Variants in HSD11B1 observed in about 807,000 individuals in gnomAD.
HSD11B1 encodes the protein hydroxysteroid 11-beta dehydrogenase 1.
HSD11B1 carries 15 observed loss-of-function variants against 22.1 expected under a neutral mutation model. The observed-to-expected ratio is 0.68, with a 90% CI of 0.45 to 1.04. HSD11B1 has a LOEUF of 1.04. Among genes scored for constraint, HSD11B1 ranks in the 50% least tolerant of loss-of-function variants. The pLI is 0.00. For missense variants in HSD11B1, 281 were observed against 357.6 expected (o/e 0.79, Z 1.73); for synonymous variants, 122 against 125.2 (o/e 0.97, Z 0.17).
Position 209,731,309 on chromosome 1 carries a change from TA to T in HSD11B1, c.518-1116del, listed in dbSNP as rs908245585. ...GTTTCACCCAAGTTAACTGGCCACT[TA>T]AAAAAAAAAATCAACACTCTTTGGA... On this transcript the variant is annotated intron_variant, in intron 4 of 5. Transcript: ENST00000367027. Among the ~76,000 whole-genome samples the T allele has an allele frequency of 1.6e-3, 233 of 148,110 alleles. 2 individuals are homozygous for T. Among genetic ancestry groups the T allele is most frequent in the Admixed American group, 6.5e-3 (96 of 14,844 alleles).
Position 209,734,699 on chromosome 1 carries a change from T to A in HSD11B1, c.*178T>A. 1 of 615,084 alleles carries A rather than the reference T, an allele frequency of 1.6e-6. No homozygotes were observed. Among genetic ancestry groups the A allele is most frequent in the East Asian group, 2.9e-5 (1 of 34,920 alleles). The allele number at this position is 615,084 out of a possible 1,614,324, so 38.1% of individuals were successfully genotyped here. On this transcript the variant is annotated 3_prime_UTR_variant, in exon 6 of 6. Transcript: ENST00000367027. ...CATTTGCAAAATGGAAATGTAATAA[T>A]AATGAATGTCATGCACCGCTGCAGC...
chr1:209,714,765 C>T (rs545381059), intron 4 of HSD11B1, among the ~76,000 whole-genome samples: 7 of 152,252 alleles, frequency 4.6e-5, no homozygotes, highest in African/African-American at 1.2e-4. Context: ...GGCATCTTCA[C>T]CGGGGAGGAA....
chr1:209,732,302 T>G, intron 4 of HSD11B1, 134 bp from the exon 5 acceptor site: 1 of 955,140 alleles, frequency 1.0e-6, no homozygotes, highest in Non-Finnish European at 1.6e-6. Flanking sequence ...GCAGTATAAC[T>G]TCCATGGGGA....
intron 4 of HSD11B1, among the ~76,000 whole-genome samples, chr1:209,714,418 C>A (rs898318201): frequency 6.6e-6 from 1 of 152,202 alleles, no homozygotes; most frequent in African/African-American, 2.4e-5. Context: ...GCACATTGTT[C>A]ATTCATCTCT....
At chr1:209,693,072 C>G (rs1166419156) in intron 1 of HSD11B1, among the ~76,000 whole-genome samples, 1 of 152,200 alleles carries the variant, frequency 6.6e-6, no homozygotes, top group Non-Finnish European at 1.5e-5. Context: ...TCCGAGCTGT[C>G]TCTCCCACTC....
At position 209,708,231 on chromosome 1, in the gene HSD11B1, G is replaced by A. The variant is rs547431231; in HGVS notation, c.517+1103G>A. On this transcript the variant is annotated intron_variant, in intron 4 of 5. Coordinates refer to ENST00000367027, the MANE Select transcript of HSD11B1 (RefSeq NM_005525.4). ...TCTTTGTTGATTAGTCAGTTAGAAG[G>A]ATGTGGCTGGAAAGTGCAAACACCA... is the stretch of plus-strand genomic sequence containing the variant. Among the ~76,000 whole-genome samples the A allele has an allele frequency of 2.6e-5, 4 of 152,260 alleles. No homozygotes were observed. The South Asian group carries it at 8.3e-4, about 32-fold the overall frequency.
intron 4 of HSD11B1, among the ~76,000 whole-genome samples, chr1:209,732,220 C>T (rs2077039956): frequency 6.6e-6 from 1 of 152,168 alleles, no homozygotes; most frequent in Non-Finnish European, 1.5e-5. Flanking sequence ...AGTCCCTCTT[C>T]AATGAAGGCT....
chr1:209,709,503 G>A (rs555256419), intron 4 of HSD11B1, among the ~76,000 whole-genome samples: 5 of 152,192 alleles, frequency 3.3e-5, no homozygotes, highest in Non-Finnish European at 4.4e-5. Context: ...ACGAAGACCC[G>A]AATTTACAAT....
chr1:209,729,705 G>A (rs907894291), intron 4 of HSD11B1, among the ~76,000 whole-genome samples: 2 of 152,114 alleles, frequency 1.3e-5, no homozygotes, highest in Non-Finnish European at 2.9e-5. Flanking sequence ...CAATATCCCT[G>A]ATGAACACAG....
intron 4 of HSD11B1, among the ~76,000 whole-genome samples, chr1:209,727,834 G>A (rs936910162): frequency 3.9e-5 from 6 of 152,112 alleles, no homozygotes; most frequent in Admixed American, 6.5e-5. Context: ...ACTTGTCTCC[G>A]CTTACTTATC....
chr1:209,718,393 T>C (rs11485195), intron 4 of HSD11B1, among the ~76,000 whole-genome samples: 29,754 of 152,048 alleles, frequency 0.2, 2,965 homozygotes, highest in East Asian at 0.22. Flanking sequence ...TTTAAAAAAA[T>C]TTAATGGGCA....
chr1:209,712,556 GTATC>G (rs1327432822), intron 4 of HSD11B1, among the ~76,000 whole-genome samples: 1 of 152,164 alleles, frequency 6.6e-6, no homozygotes, highest in East Asian at 1.9e-4. Context: ...AGGGACTTGA[GTATC>G]TATGGATTTG....
chr1:209,692,470 G>C (rs1033715804), intron 1 of HSD11B1, among the ~76,000 whole-genome samples: 1 of 152,042 alleles, frequency 6.6e-6, no homozygotes, highest in African/African-American at 2.4e-5. Flanking sequence ...GAAACATCAA[G>C]GTTGGGGTAA....
chr1:209,697,884 C>CTTTGTTTTTTTTTTTTTTTTTT (rs2076800531), intron 1 of HSD11B1, among the ~76,000 whole-genome samples: 1 of 41,586 alleles, frequency 2.4e-5, no homozygotes, highest in Non-Finnish European at 4.5e-5. Context: ...TTGTTTTTTC[C>CTTTGTTTTTTTTTTTTTTTTTT]TTTTTTTTTT....
intron 1 of HSD11B1, among the ~76,000 whole-genome samples, chr1:209,689,691 C>T (rs2076747971): frequency 1.3e-5 from 2 of 152,200 alleles, no homozygotes; most frequent in Admixed American, 6.5e-5. Flanking sequence ...ATGTCTGCTC[C>T]TCTTGGACTT....
chr1:209,694,756 C>T (rs2076780660), intron 1 of HSD11B1, among the ~76,000 whole-genome samples: 1 of 152,188 alleles, frequency 6.6e-6, no homozygotes, highest in Non-Finnish European at 1.5e-5. Flanking sequence ...GCTTTTGTTT[C>T]ATACTTATGC....
chr1:209,705,012 A>C lies in HSD11B1; in HGVS notation c.70A>C (p.Asn24His), dbSNP rs775452323. 6.2e-7 allele frequency: 1 copy of C among 1,613,690 alleles called. No homozygotes were observed. The highest frequency in any genetic ancestry group is 8.5e-7 in the Non-Finnish European group (1 of 1,179,616). The stretch of plus-strand genomic sequence containing the variant: ...CATGGCCTACTACTACTATTCTGCA[A>C]ACGAGGAATTCAGACCAGGTAAGTA... ...LFMAYYYYSA[N>H]EEFRPEMLQG... is the part of the protein sequence containing the mutation. Residue 24 changes from asparagine to histidine, a missense_variant, in exon 1 of 6, where the codon AAC becomes CAC. Physicochemically the swap from Asn to His is moderately conservative, Grantham distance 68. Transcript: ENST00000367027.
chr1:209,703,113 A>G (rs1467461154), upstream of HSD11B1, among the ~76,000 whole-genome samples: 2 of 152,108 alleles, frequency 1.3e-5, no homozygotes, highest in Admixed American at 6.6e-5. Flanking sequence ...TATCTTACTC[A>G]TTGTTATTTT....
At chr1:209,697,110 G>A (rs1558186936) in intron 1 of HSD11B1, among the ~76,000 whole-genome samples, 3 of 152,182 alleles carry the variant, frequency 2.0e-5, no homozygotes, top group Non-Finnish European at 1.5e-5. Context: ...GGCATTCATG[G>A]CCCTCAAAGA....
Sources: allele counts gnomAD v4.1 joint callset (sites outside exome capture counted in the v4.1 genomes callset), GRCh38; gene constraint gnomAD v4.1.1; transcripts MANE v1.5; gene names NCBI Gene and HGNC (gene_info 2026-07-23, HGNC 2026-07-21).